The following ANO10 variants were observed in gnomAD, a reference collection of about 807,000 sequenced individuals.
ANO10 encodes the protein anoctamin-10.
In ANO10, 77 loss-of-function variants were observed where a neutral mutation model predicts 74.7. That is an observed-to-expected ratio of 1.03 (90% confidence interval 0.86 to 1.25). The LOEUF is 1.25. Among genes scored for constraint, ANO10 ranks in the 50% most tolerant of loss-of-function variants. The pLI is 0.00. For synonymous variants in ANO10, 279 were observed against 284.9 expected (o/e 0.98, Z 0.21); for missense variants, 721 against 778.1 (o/e 0.93, Z 0.87).
At chr3:43,462,833 G>A (rs948372061) in intron 11 of ANO10, among the ~76,000 whole-genome samples, 5 of 152,176 alleles carry the variant, frequency 3.3e-5, no homozygotes, top group Non-Finnish European at 7.3e-5. Flanking sequence ...GGTGCCCTGT[G>A]TCCCAGCCAC....
At chr3:43,654,831 C>G (rs1386888825) in intron 1 of ANO10, among the ~76,000 whole-genome samples, 1 of 152,206 alleles carries the variant, frequency 6.6e-6, no homozygotes, top group African/African-American at 2.4e-5. Flanking sequence ...GGCCCTACCT[C>G]TGACTTTACT....
intron 8 of ANO10, among the ~76,000 whole-genome samples, chr3:43,565,130 G>C (rs921561254): frequency 7.9e-5 from 12 of 152,142 alleles, no homozygotes; most frequent in African/African-American, 2.9e-4. Flanking sequence ...AATATAAAAA[G>C]GAGAATTTAG....
At chr3:43,680,098 C>A (rs1206652603) in intron 1 of ANO10, among the ~76,000 whole-genome samples, 1 of 152,112 alleles carries the variant, frequency 6.6e-6, no homozygotes, top group Non-Finnish European at 1.5e-5. Context: ...ATGACTTTGA[C>A]GAGTTGAGAG....
chr3:43,648,953 A>T (rs995719517), intron 1 of ANO10, among the ~76,000 whole-genome samples: 1 of 152,212 alleles, frequency 6.6e-6, no homozygotes, highest in South Asian at 2.1e-4. Flanking sequence ...CTGGGATTAC[A>T]GGCGTGAGCC....
At chr3:43,620,515 C>A (rs2083333479) in intron 1 of ANO10, among the ~76,000 whole-genome samples, 1 of 152,120 alleles carries the variant, frequency 6.6e-6, no homozygotes, top group Non-Finnish European at 1.5e-5. Context: ...CAGTGGCTCA[C>A]GTCTGTAATC....
chr3:43,422,503 C>T (rs1446354981), intron 12 of ANO10, among the ~76,000 whole-genome samples: 2 of 152,176 alleles, frequency 1.3e-5, no homozygotes, highest in Non-Finnish European at 2.9e-5. Context: ...AATGCAAATA[C>T]ATTTGAATGA....
intron 12 of ANO10, among the ~76,000 whole-genome samples, chr3:43,394,548 A>G (rs1011345156): frequency 5.3e-5 from 8 of 152,156 alleles, no homozygotes. Context: ...CTTCTCTTCC[A>G]GTAAGAAGAT....
rs373960562 is a variant in ANO10, at chr3:43,470,536, G to A, written c.1798-37809C>T. 8.1e-4 allele frequency among the ~76,000 whole-genome samples: 123 copies of A among 151,988 alleles called. 1 individual carries two copies. The South Asian group carries it at 0.024, about 30-fold the overall frequency. Reference sequence around the variant, plus strand: ...TTTTTTGTATTTTTAGTAGAGACGGGGTTTCACCGTGGTCTCGATCTCCTG... The same window carrying A: ...TTTTTTGTATTTTTAGTAGAGACGGAGTTTCACCGTGGTCTCGATCTCCTG... On this transcript the variant is annotated intron_variant, in intron 11 of 12. Transcript: ENST00000292246.
At chr3:43,432,547 T>C in intron 12 of ANO10, 64 bp downstream of exon 12, 1 of 1,337,284 alleles carries the variant, frequency 7.5e-7, no homozygotes, top group Non-Finnish European at 1.1e-6. Flanking sequence ...GACTGATTCT[T>C]CTGAATTATT....
chr3:43,467,335 A>G (rs2075670647), intron 11 of ANO10, among the ~76,000 whole-genome samples: 1 of 152,242 alleles, frequency 6.6e-6, no homozygotes, highest in East Asian at 1.9e-4. Flanking sequence ...AAAAATATGG[A>G]AACAACCCAA....
intron 10 of ANO10, among the ~76,000 whole-genome samples, chr3:43,552,482 TAA>T (rs574319712): frequency 8.2e-4 from 125 of 152,072 alleles, no homozygotes; most frequent in African/African-American, 2.8e-3. Flanking sequence ...GAAAACTCAA[TAA>T]GAGAAGAAAA....
intron 11 of ANO10, among the ~76,000 whole-genome samples, chr3:43,527,548 C>A (rs1055437040): frequency 4.6e-5 from 7 of 151,986 alleles, no homozygotes; most frequent in African/African-American, 1.7e-4. Flanking sequence ...ATACTCAAAA[C>A]CAAAAACAAA....
intron 12 of ANO10, among the ~76,000 whole-genome samples, chr3:43,400,037 T>G (rs2092451398): frequency 6.6e-6 from 1 of 152,136 alleles, no homozygotes; most frequent in Non-Finnish European, 1.5e-5. Flanking sequence ...CTAAAGAGGG[T>G]TGCAGCTTCT....
intron 12 of ANO10, among the ~76,000 whole-genome samples, chr3:43,367,585 G>A (rs137905699): frequency 3.3e-5 from 5 of 152,180 alleles, no homozygotes; most frequent in East Asian, 3.9e-4. Flanking sequence ...TGAGGGTGAC[G>A]TCAAGATAGA....
At chr3:43,428,056 C>T (rs547377968) in intron 12 of ANO10, among the ~76,000 whole-genome samples, 2 of 145,780 alleles carry the variant, frequency 1.4e-5, no homozygotes, top group African/African-American at 5.0e-5. Flanking sequence ...TACCCTGAAC[C>T]TTTTTTTTTT....
intron 11 of ANO10, among the ~76,000 whole-genome samples, chr3:43,453,915 T>C (rs559769474): frequency 6.6e-6 from 1 of 152,326 alleles, no homozygotes; most frequent in Non-Finnish European, 1.5e-5. Flanking sequence ...TACCAGACAC[T>C]CTCTAGGTGC....
At chr3:43,653,822 G>C (rs1374406804) in intron 1 of ANO10, among the ~76,000 whole-genome samples, 12 of 152,056 alleles carry the variant, frequency 7.9e-5, no homozygotes, top group African/African-American at 2.9e-4. Context: ...AAGAATCTGA[G>C]CCCCTCTATC....
At chr3:43,446,388 A>G in intron 11 of ANO10, among the ~76,000 whole-genome samples, 1 of 152,268 alleles carries the variant, frequency 6.6e-6, no homozygotes, top group East Asian at 1.9e-4. Context: ...AGTAAAGCCA[A>G]CTGGCAAGTC....
chr3:43,373,539 G>C (rs1203497343), intron 12 of ANO10, among the ~76,000 whole-genome samples: 2 of 152,186 alleles, frequency 1.3e-5, no homozygotes, highest in Non-Finnish European at 2.9e-5. Context: ...ATGATCTTTT[G>C]AGCCCTGCTT....
Sources: gnomAD v4.1 joint callset for allele counts (sites outside exome capture counted in the v4.1 genomes callset) on GRCh38, gnomAD v4.1.1 for gene constraint, MANE v1.5 for transcripts, NCBI Gene and HGNC (gene_info 2026-07-23, HGNC 2026-07-21) for gene names.